Variants in TMEM74 observed in about 807,000 individuals in gnomAD.
TMEM74 encodes the protein transmembrane protein 74.
A neutral mutation model predicts 18.1 loss-of-function variants in TMEM74; 13 were observed. The observed-to-expected ratio is 0.72, with a 90% CI of 0.47 to 1.14. The LOEUF (loss-of-function observed/expected upper bound fraction) is 1.14, where lower values mean the gene tolerates loss of function less well. Ranked by LOEUF, TMEM74 falls within the 50% of genes most tolerant of loss-of-function variation. TMEM74 has a pLI of 0.00. For synonymous variants in TMEM74, 159 were observed against 146.6 expected, an observed-to-expected ratio of 1.08 and a Z score of -0.61; for missense variants, 372 against 375.9, an observed-to-expected ratio of 0.99 and a Z score of 0.09.
At chr8:108,729,453 G>A (rs1287720403) in intron 1 of TMEM74, among the ~76,000 whole-genome samples, 1 of 152,162 alleles carries the variant, frequency 6.6e-6, no homozygotes, top group Non-Finnish European at 1.5e-5. Context: ...TTTTTGGAAT[G>A]TTCATCACAT....
chr8:108,702,343 T>TAAAAAA (rs1242874088), intron 1 of TMEM74, among the ~76,000 whole-genome samples: 2 of 95,112 alleles, frequency 2.1e-5, no homozygotes, highest in Non-Finnish European at 2.0e-5. Context: ...AGACTCCATC[T>TAAAAAA]AAAAAAAAAA....
intron 1 of TMEM74, among the ~76,000 whole-genome samples, chr8:108,699,110 C>T (rs1813309008): frequency 7.0e-6 from 1 of 142,768 alleles, no homozygotes; most frequent in South Asian, 2.5e-4. Context: ...CCCTCCCCTC[C>T]CCTCCCCTCT....
chr8:108,620,195 C>T (rs1377014556), intron 2 of TMEM74, among the ~76,000 whole-genome samples: 1 of 152,140 alleles, frequency 6.6e-6, no homozygotes, highest in Non-Finnish European at 1.5e-5. Context: ...TTTTCATCTA[C>T]ATTTTCTCTG....
At chr8:108,778,689 T>G (rs1814266486), downstream of TMEM74, among the ~76,000 whole-genome samples, 2 of 152,162 alleles carry the variant, frequency 1.3e-5, no homozygotes, top group African/African-American at 4.8e-5. Flanking sequence ...TAATATAAAT[T>G]GTGATACATT....
intron 2 of TMEM74, among the ~76,000 whole-genome samples, chr8:108,631,858 G>A (rs1319573108): frequency 6.6e-6 from 1 of 151,984 alleles, no homozygotes; most frequent in Non-Finnish European, 1.5e-5. Context: ...ACCAATACAA[G>A]CCACTGGGGG....
chr8:108,669,118 G>A (rs941800453), intron 1 of TMEM74, among the ~76,000 whole-genome samples: 6 of 152,012 alleles, frequency 3.9e-5, no homozygotes, highest in African/African-American at 1.4e-4. Flanking sequence ...TTCTTAGGTT[G>A]CTGTTAGAGC....
intron 1 of TMEM74, among the ~76,000 whole-genome samples, chr8:108,676,855 A>T (rs1021611): frequency 0.48 from 72,699 of 152,038 alleles, 17,984 homozygotes; most frequent in East Asian, 0.7. Context: ...TTCTTCTGGC[A>T]GTCATCAGCA....
intron 1 of TMEM74, among the ~76,000 whole-genome samples, chr8:108,703,383 T>C (rs1006934552): frequency 6.6e-6 from 1 of 152,188 alleles, no homozygotes; most frequent in Non-Finnish European, 1.5e-5. Flanking sequence ...CCTTAGGAAC[T>C]GTTGTATCTA....
chr8:108,716,153 T>C (rs1396306314), intron 1 of TMEM74, among the ~76,000 whole-genome samples: 1 of 152,134 alleles, frequency 6.6e-6, no homozygotes, highest in Non-Finnish European at 1.5e-5. Flanking sequence ...ATATAGTAAT[T>C]ACTAAGAGCA....
chr8:108,708,699 G>T (rs1417733490), intron 1 of TMEM74, among the ~76,000 whole-genome samples: 1 of 145,572 alleles, frequency 6.9e-6, no homozygotes, highest in Non-Finnish European at 1.5e-5. Context: ...GGAAAGGAAA[G>T]ATTTAACAGA....
chr8:108,740,028 T>C (rs1813784946), intron 1 of TMEM74, among the ~76,000 whole-genome samples: 1 of 152,082 alleles, frequency 6.6e-6, no homozygotes. Flanking sequence ...AAAGGGCAGG[T>C]GCATGATCTA....
At chr8:108,685,682 A>T (rs1425318186) in intron 1 of TMEM74, among the ~76,000 whole-genome samples, 1 of 152,204 alleles carries the variant, frequency 6.6e-6, no homozygotes, top group Non-Finnish European at 1.5e-5. Flanking sequence ...AAAAAGAAAA[A>T]TAAGTTAGAA....
chr8:108,757,302 A>G (rs968153012), intron 1 of TMEM74, among the ~76,000 whole-genome samples: 2 of 152,038 alleles, frequency 1.3e-5, no homozygotes, highest in African/African-American at 2.4e-5. Flanking sequence ...GATCATCTTC[A>G]ATGTGGATAA....
At chr8:108,725,135 A>G (rs1465840446) in intron 1 of TMEM74, among the ~76,000 whole-genome samples, 1 of 152,136 alleles carries the variant, frequency 6.6e-6, no homozygotes, top group East Asian at 1.9e-4. Flanking sequence ...TCTTTAGAAG[A>G]CTTGCCCCAC....
intron 1 of TMEM74, among the ~76,000 whole-genome samples, chr8:108,746,216 C>T (rs2130649488): frequency 6.6e-6 from 1 of 152,254 alleles, no homozygotes; most frequent in Admixed American, 6.5e-5. Flanking sequence ...AGAGGGGAGG[C>T]TATTTTGACT....
chr8:108,702,606 A>T (rs1448095529), intron 1 of TMEM74, among the ~76,000 whole-genome samples: 2 of 151,856 alleles, frequency 1.3e-5, no homozygotes, highest in Admixed American at 6.6e-5. Context: ...TAGGAGAGAA[A>T]TTTTTTTTAT....
chr8:108,664,563 G>A (rs1339383661), intron 1 of TMEM74, among the ~76,000 whole-genome samples: 1 of 152,004 alleles, frequency 6.6e-6, no homozygotes, highest in Non-Finnish European at 1.5e-5. Context: ...TCTAGGTATA[G>A]AATCATATTA....
At chr8:108,722,854 T>C (rs1813599157) in intron 1 of TMEM74, among the ~76,000 whole-genome samples, 1 of 152,176 alleles carries the variant, frequency 6.6e-6, no homozygotes, top group African/African-American at 2.4e-5. Context: ...AGCACATTGA[T>C]GTAGAGGTTA....
rs1813710539 is a variant in TMEM74 at position 108,732,943 on chromosome 8, A to G, written n.119+54533T>C. ...CTAATATGCACTTTAAAAAGCACTCAAGATCATCAATCCTCAGGAAAATGA... is the reference window on the plus strand; with the variant it reads ...CTAATATGCACTTTAAAAAGCACTCGAGATCATCAATCCTCAGGAAAATGA... On this transcript the variant is annotated intron_variant and non_coding_transcript_variant, in intron 1 of 3. Transcript: ENST00000518838. 2.0e-5 allele frequency among the ~76,000 whole-genome samples: 3 copies of G among 152,124 alleles called. No individual in the cohort carries two copies. The South Asian group carries it at 6.2e-4, about 32-fold the overall frequency.
Sources: gnomAD v4.1 joint callset for allele counts (sites outside exome capture counted in the v4.1 genomes callset) on GRCh38, gnomAD v4.1.1 for gene constraint, MANE v1.5 for transcripts, NCBI Gene and HGNC (gene_info 2026-07-23, HGNC 2026-07-21) for gene names.